The following NELL1 variants were observed in gnomAD, a reference collection of about 807,000 sequenced individuals.
NELL1 encodes neural EGFL like 1, also known as protein kinase C-binding protein NELL1.
Under a neutral mutation model 107.4 loss-of-function variants are expected in NELL1, and 76 were observed. The ratio of observed to expected loss-of-function variants is 0.71; its 90% CI spans 0.59 to 0.86. The LOEUF (loss-of-function observed/expected upper bound fraction) is 0.86. Ranked by LOEUF, NELL1 falls within the 40% of genes least tolerant of loss-of-function variation. NELL1 has a pLI of 0.00. For synonymous variants in NELL1, 353 were observed against 341.2 expected (o/e 1.03, Z -0.38); for missense variants, 1,024 against 1,005.5 (o/e 1.02, Z -0.25).
At chr11:20,908,942 T>C (rs1367672452) in intron 5 of NELL1, among the ~76,000 whole-genome samples, 2 of 152,206 alleles carry the variant, frequency 1.3e-5, no homozygotes, top group Admixed American at 1.3e-4. Context: ...TCTACCCATG[T>C]ATGAATGGAT....
At chr11:21,089,442 C>G (rs768110875) in intron 12 of NELL1, among the ~76,000 whole-genome samples, 3 of 152,126 alleles carry the variant, frequency 2.0e-5, no homozygotes, top group Non-Finnish European at 2.9e-5. Flanking sequence ...CATGTCTTCT[C>G]TCTTTGAATG....
chr11:20,839,940 C>A (rs1043429615), intron 3 of NELL1, among the ~76,000 whole-genome samples: 12 of 152,164 alleles, frequency 7.9e-5, no homozygotes, highest in African/African-American at 2.4e-5. Context: ...GAAAGAACCA[C>A]CAACGGGGCC....
At chr11:20,785,359 C>A (rs1856933339) in intron 3 of NELL1, among the ~76,000 whole-genome samples, 1 of 152,182 alleles carries the variant, frequency 6.6e-6, no homozygotes, top group Admixed American at 6.5e-5. Context: ...ATGTACATGT[C>A]TGTGAGAGAT....
chr11:21,322,310 C>G (rs1850029164), intron 14 of NELL1, among the ~76,000 whole-genome samples: 1 of 152,046 alleles, frequency 6.6e-6, no homozygotes, highest in Admixed American at 6.6e-5. Context: ...ATCTGTGAGA[C>G]AAAATTAAAT....
chr11:21,340,620 TACACACACACACACAC>T (rs71034506), intron 14 of NELL1, among the ~76,000 whole-genome samples: 65 of 141,802 alleles, frequency 4.6e-4, no homozygotes, highest in African/African-American at 1.6e-3. Flanking sequence ...TATGACGGGT[TACACACACACACACAC>T]ACACACACAC....
chr11:21,063,984 G>T (rs1853807373), intron 12 of NELL1, among the ~76,000 whole-genome samples: 1 of 125,606 alleles, frequency 8.0e-6, no homozygotes, highest in African/African-American at 3.0e-5. Context: ...TCTTCTAGGA[G>T]AGTGGCACTG....
At chr11:21,429,913 T>A (rs1029990853) in intron 15 of NELL1, among the ~76,000 whole-genome samples, 1 of 152,180 alleles carries the variant, frequency 6.6e-6, no homozygotes, top group African/African-American at 2.4e-5. Flanking sequence ...TTTAATCCTT[T>A]GGTGTCTCTA....
intron 15 of NELL1, among the ~76,000 whole-genome samples, chr11:21,416,018 G>A (rs937289426): frequency 3.3e-5 from 5 of 152,004 alleles, no homozygotes; most frequent in African/African-American, 9.7e-5. Context: ...TGTCTCTTGC[G>A]ACAATTGAAG....
intron 14 of NELL1, among the ~76,000 whole-genome samples, chr11:21,345,545 G>T (rs1347792816): frequency 6.6e-6 from 1 of 152,158 alleles, no homozygotes; most frequent in African/African-American, 2.4e-5. Flanking sequence ...TATGCTCAGG[G>T]AAAGATGCTG....
chr11:21,192,362 T>C (rs1340134447), intron 13 of NELL1, among the ~76,000 whole-genome samples: 1 of 151,898 alleles, frequency 6.6e-6, no homozygotes, highest in African/African-American at 2.4e-5. Flanking sequence ...TGCTAATGAT[T>C]AAGCATTTCA....
At chr11:21,096,087 G>T (rs1387653884) in intron 12 of NELL1, among the ~76,000 whole-genome samples, 1 of 152,136 alleles carries the variant, frequency 6.6e-6, no homozygotes, top group Non-Finnish European at 1.5e-5. Context: ...GAGAATTGAG[G>T]ATGCAAGTTG....
intron 15 of NELL1, among the ~76,000 whole-genome samples, chr11:21,413,451 G>T (rs1334411062): frequency 6.6e-6 from 1 of 151,970 alleles, no homozygotes; most frequent in Non-Finnish European, 1.5e-5. Context: ...TGAAAAAAAA[G>T]TGTGGCTGCT....
At position 21,534,393 on chromosome 11, in the gene NELL1, G is replaced by T. The variant is rs1398526297; in HGVS notation, c.1665G>T (p.Glu555Asp). 6.2e-7 allele frequency: 1 copy of T among 1,613,866 alleles called. No homozygotes were observed. Among genetic ancestry groups the T allele is most frequent in the South Asian group, 1.1e-5 (1 of 91,084 alleles). The change falls in exon 16 of 20, where the codon GAG (glutamate) becomes GAT (aspartate). Residue 555 changes from glutamate to aspartate, a missense_variant. Transcript: ENST00000357134. ...AGGCAGATATTGATGAATGTTCAGA[G>T]GGAATCATTGAGTGCCACAACCATT... The part of the protein sequence containing the change: ...HCEKDIDECS[E>D]GIIECHNHSR...
intron 12 of NELL1, among the ~76,000 whole-genome samples, chr11:21,079,427 G>A (rs7936453): frequency 6.6e-6 from 1 of 151,630 alleles, no homozygotes; most frequent in Non-Finnish European, 1.5e-5. Flanking sequence ...GTACCCTATA[G>A]AGAATATTCC....
chr11:21,191,417 A>G (rs185204213), intron 13 of NELL1, among the ~76,000 whole-genome samples: 1 of 151,980 alleles, frequency 6.6e-6, no homozygotes, highest in Admixed American at 6.5e-5. Context: ...ACAAAACAAA[A>G]GAGATATTCC....
At chr11:21,496,278 T>C (rs1371274969) in intron 15 of NELL1, among the ~76,000 whole-genome samples, 1 of 152,014 alleles carries the variant, frequency 6.6e-6, no homozygotes, top group Admixed American at 6.5e-5. Context: ...TCTTTTAATG[T>C]CTATAATTAT....
intron 14 of NELL1, among the ~76,000 whole-genome samples, chr11:21,244,758 T>C (rs1015744946): frequency 2.6e-5 from 4 of 152,070 alleles, no homozygotes; most frequent in Admixed American, 6.6e-5. Flanking sequence ...GCCAGAGAGA[T>C]TGTCCGTGTT....
intron 15 of NELL1, among the ~76,000 whole-genome samples, chr11:21,490,263 G>A (rs528961714): frequency 3.3e-5 from 5 of 151,616 alleles, no homozygotes; most frequent in Non-Finnish European, 7.4e-5. Flanking sequence ...GGAAAACTGC[G>A]AAACACTGAT....
intron 5 of NELL1, among the ~76,000 whole-genome samples, chr11:20,888,748 G>T (rs771690566): frequency 1.4e-4 from 21 of 152,058 alleles, no homozygotes; most frequent in Non-Finnish European, 2.6e-4. Context: ...TACTTGTTAG[G>T]CTGTCTCCCA....
Sources: allele counts gnomAD v4.1 joint callset (sites outside exome capture counted in the v4.1 genomes callset), GRCh38; gene constraint gnomAD v4.1.1; transcripts MANE v1.5; gene names NCBI Gene and HGNC (gene_info 2026-07-23, HGNC 2026-07-21).